C8B: variants seen among roughly 807,000 people sequenced by gnomAD.
C8B encodes the protein complement component C8 beta chain.
In C8B, 67 loss-of-function variants were observed where a neutral mutation model predicts 64.6. That is an observed-to-expected ratio of 1.04 (90% CI 0.85 to 1.27). The LOEUF (loss-of-function observed/expected upper bound fraction) is 1.27. Among genes scored for constraint, C8B ranks in the 50% most tolerant of loss-of-function variants. The pLI is 0.00. For synonymous variants in C8B, 284 were observed against 257.7 expected, an observed-to-expected ratio of 1.10 and a Z score of -0.98; for missense variants, 790 against 725.2, an observed-to-expected ratio of 1.09 and a Z score of -1.03.
chr1:56,951,991 C>A, intron 5 of C8B, 57 bp downstream of exon 5: 1 of 1,610,526 alleles, frequency 6.2e-7, no homozygotes. Context: ...GACCATGGAC[C>A]CTGCTAACTG....
At chr1:56,941,517 G>C (rs780379617) in intron 8 of C8B, among the ~76,000 whole-genome samples, 10 of 96,828 alleles carry the variant, frequency 1.0e-4, no homozygotes, top group African/African-American at 2.6e-4. Context: ...TACATAGATA[G>C]ATAGATAGAT....
At chr1:56,952,204 C>G in intron 4 of C8B, 24 bp from the exon 5 acceptor site, 1 of 1,613,620 alleles carries the variant, frequency 6.2e-7, no homozygotes, top group Non-Finnish European at 8.5e-7. Context: ...ACAGAGATGG[C>G]GAAGAGGTTA....
chr1:56,943,750 C>G lies in C8B; in HGVS notation c.1180G>C (p.Val394Leu), dbSNP rs375765321. The change falls in exon 8 of 12, where the codon GTC becomes CTC. Residue 394 changes from valine (V) to leucine (L), a missense_variant. Transcript: ENST00000371237. ...TTGCCTACAGACACACCCAGACTGA[C>G]GTAGACCTCTTCAATGGCACCACCA... is the stretch of plus-strand genomic sequence containing the variant. ...KIGGAIEEVYVSLGVSVGKCR... is the reference protein window; with the variant it reads ...KIGGAIEEVYLSLGVSVGKCR... The G allele has an allele frequency of 1.9e-6, 3 of 1,613,982 alleles. No individual in the cohort carries two copies. Among genetic ancestry groups the G allele is most frequent in the Non-Finnish European group, 2.5e-6 (3 of 1,179,984 alleles).
chr1:56,956,961 G>A (rs1163404946), intron 2 of C8B, 51 bp from the exon 3 acceptor site: 10 of 1,605,404 alleles, frequency 6.2e-6, no homozygotes, highest in Non-Finnish European at 8.5e-6. Flanking sequence ...TAGATCTCAG[G>A]AGCTGAGGGA....
chr1:56,965,378 T>TGAGAGA lies in C8B; in HGVS notation c.92+473_92+478dup, dbSNP rs113817142. 5.3e-3 allele frequency among the ~76,000 whole-genome samples: 705 copies of TGAGAGA among 132,276 alleles called. 9 individuals are homozygous for TGAGAGA. Among genetic ancestry groups the TGAGAGA allele is most frequent in the Admixed American group, 0.021 (270 of 12,932 alleles). 86.8% of individuals were successfully genotyped at this position (132,276 alleles called of 152,430 possible). A position where few individuals can be genotyped will look rare whatever the true frequency, so the allele number is the denominator to read the frequency against. The stretch of plus-strand genomic sequence containing the variant: ...TAACTGCTGGGAACCTTGTGGGGGG[T>TGAGAGA]GAGAGAGAGAGAGAGAGAGAGTGTG... On this transcript the variant is annotated intron_variant, in intron 1 of 11. Transcript: ENST00000371237.
At chr1:56,964,463 G>A (rs949933220) in intron 1 of C8B, among the ~76,000 whole-genome samples, 3 of 152,280 alleles carry the variant, frequency 2.0e-5, no homozygotes, top group Non-Finnish European at 2.9e-5. Context: ...GTGTCTGGAA[G>A]CTTCAGGAGC....
intron 1 of C8B, among the ~76,000 whole-genome samples, chr1:56,963,093 T>A (rs1217134341): frequency 6.6e-6 from 1 of 152,216 alleles, no homozygotes. Context: ...TCCTTGAACA[T>A]GTGCCCCCTC....
chr1:56,959,831 A>G (rs992637314), intron 2 of C8B, among the ~76,000 whole-genome samples, 189 bp downstream of exon 2: 34 of 152,230 alleles, frequency 2.2e-4, no homozygotes, highest in African/African-American at 7.7e-4. Flanking sequence ...TGCTTGGAAA[A>G]CACTGGAGAA....
chr1:56,935,190 A>G (rs1260548918), intron 9 of C8B, among the ~76,000 whole-genome samples: 1 of 152,132 alleles, frequency 6.6e-6, no homozygotes, highest in African/African-American at 2.4e-5. Flanking sequence ...TGGCTTGATT[A>G]TTCCCATTTA....
chr1:56,933,243 T>C, intron 10 of C8B, 92 bp downstream of exon 10: 1 of 1,101,264 alleles, frequency 9.1e-7, no homozygotes, highest in Admixed American at 1.7e-5. Flanking sequence ...AAATTCTGAC[T>C]TCTCAGTAAA....
chr1:56,943,586 A>G (rs1413487140), intron 8 of C8B, 110 bp downstream of exon 8: 9 of 1,288,322 alleles, frequency 7.0e-6, no homozygotes, highest in African/African-American at 1.5e-5. Flanking sequence ...TAGTTGGCCT[A>G]GAAGTTGGGA....
intron 2 of C8B, among the ~76,000 whole-genome samples, chr1:56,957,620 A>G (rs555571362): frequency 2.0e-5 from 3 of 152,298 alleles, no homozygotes; most frequent in South Asian, 2.1e-4. Flanking sequence ...ATATTGCTAT[A>G]TCTCTACCAT....
chr1:56,935,643 C>T (rs1238525856), intron 9 of C8B, among the ~76,000 whole-genome samples: 2 of 152,218 alleles, frequency 1.3e-5, no homozygotes, highest in Admixed American at 6.5e-5. Flanking sequence ...ACTTTATATA[C>T]ATTATCTAAC....
chr1:56,965,769 G>T lies in C8B; in HGVS notation c.92+88C>A. ...TTAAGAGACGTTCCTCATTCAATAGGCATGCAACAAAGAGATGGTCAGCAT... is the reference window on the plus strand; with the variant it reads ...TTAAGAGACGTTCCTCATTCAATAGTCATGCAACAAAGAGATGGTCAGCAT... On this transcript the variant is annotated intron_variant, in intron 1 of 11. Coordinates refer to ENST00000371237, the MANE Select transcript of C8B (RefSeq NM_000066.4). 2 of 1,396,882 alleles carry T rather than the reference G, an allele frequency of 1.4e-6. 1 individual carries two copies. Among genetic ancestry groups the T allele is most frequent in the South Asian group, 2.3e-5 (2 of 86,504 alleles). 86.5% of individuals were successfully genotyped at this position (1,396,882 alleles called of 1,614,324 possible). A position where few individuals can be genotyped will look rare whatever the true frequency, so the allele number is the denominator to read the frequency against.
intron 9 of C8B, among the ~76,000 whole-genome samples, chr1:56,936,755 A>G (rs1254833231): frequency 6.6e-6 from 1 of 151,800 alleles, no homozygotes; most frequent in African/African-American, 2.4e-5. Flanking sequence ...CACCACACCC[A>G]GCCAATTTTT....
Position 56,949,728 on chromosome 1 carries a change from A to G in C8B, c.691T>C (p.Leu231=). 1.2e-6 allele frequency: 2 copies of G among 1,613,102 alleles called. No homozygotes were observed. The highest frequency in any genetic ancestry group is 1.3e-5 in the African/African-American group (1 of 75,020). Reference sequence around the variant, plus strand: ...TCTGAGTATGATTCATACTCTTTTAATATGAATTCGTATTTGCCTTGGGTC... The same window carrying G: ...TCTGAGTATGATTCATACTCTTTTAGTATGAATTCGTATTTGCCTTGGGTC... ...PQTQGKYEFI[L]KEYESYSDFE... The change falls in exon 6 of 12, where the codon TTA becomes CTA. Residue 231 remains leucine (L), a synonymous_variant. Coordinates refer to ENST00000371237, the MANE Select transcript of C8B (RefSeq NM_000066.4).
Position 56,943,727 on chromosome 1 carries a change from G to A in C8B, c.1203C>T (p.Gly401=). The change falls in exon 8 of 12, where the codon GGC becomes GGT. Residue 401 remains glycine, a synonymous_variant. Transcript: ENST00000371237. ...EVYVSLGVSV[G]KCRGILNEIK... is the part of the protein sequence containing the mutation. Reference sequence around the variant, plus strand: ...TTTCATTCAGAATACCTCTGCATTTGCCTACAGACACACCCAGACTGACGT... The same window carrying A: ...TTTCATTCAGAATACCTCTGCATTTACCTACAGACACACCCAGACTGACGT... 1 of 1,614,062 alleles carries A rather than the reference G, an allele frequency of 6.2e-7. No individual in the cohort carries two copies. Among genetic ancestry groups the A allele is most frequent in the South Asian group, 1.1e-5 (1 of 91,072 alleles).
At chr1:56,953,188 T>C (rs1267695817) in intron 4 of C8B, among the ~76,000 whole-genome samples, 1 of 152,210 alleles carries the variant, frequency 6.6e-6, no homozygotes, top group African/African-American at 2.4e-5. Context: ...CTTCCATTCT[T>C]GACCATCTCT....
At chr1:56,944,805 C>T (rs1030741347) in intron 7 of C8B, among the ~76,000 whole-genome samples, 2 of 152,202 alleles carry the variant, frequency 1.3e-5, no homozygotes, top group African/African-American at 4.8e-5. Context: ...TGGTGTACCA[C>T]GTGTCCTCTT....
Sources: allele counts gnomAD v4.1 joint callset (sites outside exome capture counted in the v4.1 genomes callset), GRCh38; gene constraint gnomAD v4.1.1; transcripts MANE v1.5; gene names NCBI Gene and HGNC (gene_info 2026-07-23, HGNC 2026-07-21).